PLAAT5: variants seen among roughly 807,000 people sequenced by gnomAD.
PLAAT5 encodes Ca(2+)-independent N-acyltransferase.
PLAAT5 carries 27 observed loss-of-function variants against 27.8 expected under a neutral mutation model. The ratio of observed to expected loss-of-function variants is 0.97; its 90% confidence interval spans 0.72 to 1.34. The LOEUF is 1.34. Ranked by LOEUF, PLAAT5 falls within the 40% of genes most tolerant of loss-of-function variation. PLAAT5 has a pLI of 0.00. For missense variants in PLAAT5, 368 were observed against 343.8 expected (o/e 1.07, Z -0.56); for synonymous variants, 125 against 136.1 (o/e 0.92, Z 0.57).
chr11:63,464,618 C>T (rs1244721612), intron 5 of PLAAT5, among the ~76,000 whole-genome samples: 6 of 151,632 alleles, frequency 4.0e-5, no homozygotes, highest in Non-Finnish European at 5.9e-5. Flanking sequence ...ATCACGCCAT[C>T]GCACTCCAGT....
intron 4 of PLAAT5, among the ~76,000 whole-genome samples, chr11:63,467,078 C>T (rs2015885775): frequency 6.6e-6 from 1 of 152,230 alleles, no homozygotes; most frequent in Non-Finnish European, 1.5e-5. Flanking sequence ...TAAAGTAGCA[C>T]TGCTACAACC....
intron 3 of PLAAT5, among the ~76,000 whole-genome samples, chr11:63,483,751 G>A (rs113254219): frequency 0.011 from 1,296 of 116,452 alleles, 23 homozygotes; most frequent in African/African-American, 0.038. Context: ...ACCAAGATCA[G>A]AGCAGAAGTA....
chr11:63,475,678 TTGTTCCTC>T (rs2016136034), intron 3 of PLAAT5, among the ~76,000 whole-genome samples: 1 of 152,052 alleles, frequency 6.6e-6, no homozygotes, highest in African/African-American at 2.4e-5. Context: ...CACGTCTTTT[TTGTTCCTC>T]TGTTCCTCTT....
chr11:63,475,010 G>C (rs1353559299), intron 3 of PLAAT5, among the ~76,000 whole-genome samples: 2 of 152,054 alleles, frequency 1.3e-5, no homozygotes, highest in Admixed American at 6.5e-5. Context: ...CATGTGATCA[G>C]ATAAAATATT....
rs553199686 is a variant in PLAAT5 at position 63,488,754 on chromosome 11, G to A, written c.345+117C>T. The A allele has an allele frequency of 1.2e-3, 656 of 568,646 alleles. 3 individuals carry two copies. The highest frequency in any genetic ancestry group is 1.9e-3 in the South Asian group (72 of 37,096). The allele number at this position is 568,646 out of a possible 1,614,324, so 35.2% of individuals were successfully genotyped here. ...GTGGCCCAAGACGTTTCTTCTTCCA[G>A]TGTGGCCCAGGGAAGCCTAAAGATT... is the stretch of plus-strand genomic sequence containing the variant. On this transcript the variant is annotated intron_variant, in intron 3 of 5. Transcript: ENST00000540857.
At chr11:63,469,145 T>TGAGAGA (rs1555025561) in intron 3 of PLAAT5, among the ~76,000 whole-genome samples, 2,714 of 122,674 alleles carry the variant, frequency 0.022, 121 homozygotes, top group African/African-American at 0.076. Context: ...TGTGTGTGTG[T>TGAGAGA]GAGAGAGAGA....
At chr11:63,488,038 G>A (rs191978178) in intron 3 of PLAAT5, among the ~76,000 whole-genome samples, 64 of 152,312 alleles carry the variant, frequency 4.2e-4, no homozygotes, top group Admixed American at 3.6e-3. Context: ...CCAGCTACTC[G>A]GGAGGCTGAG....
At chr11:63,463,624 T>A in intron 5 of PLAAT5, 29 bp from the exon 6 acceptor site, 1 of 1,582,124 alleles carries the variant, frequency 6.3e-7, no homozygotes. Context: ...CACAGGACAA[T>A]CAGTACCAAT....
At chr11:63,480,402 G>C (rs976571295) in intron 3 of PLAAT5, among the ~76,000 whole-genome samples, 1 of 152,236 alleles carries the variant, frequency 6.6e-6, no homozygotes, top group Admixed American at 6.5e-5. Flanking sequence ...GAGAAGGAAA[G>C]AGGAGGGAAT....
At chr11:63,483,801 GTATATATATATATATATA>G (rs71039646) in intron 3 of PLAAT5, among the ~76,000 whole-genome samples, 405 of 24,144 alleles carry the variant, frequency 0.017, 7 homozygotes, top group African/African-American at 0.021. Context: ...ATATATATAT[GTATATATATATATATATA>G]TATATATATA....
intron 3 of PLAAT5, among the ~76,000 whole-genome samples, chr11:63,486,645 T>G (rs2016441288): frequency 6.6e-6 from 1 of 152,008 alleles, no homozygotes; most frequent in Non-Finnish European, 1.5e-5. Flanking sequence ...GTAATCAACT[T>G]TAGGGACTCA....
At chr11:63,483,775 C>G (rs1176675139) in intron 3 of PLAAT5, among the ~76,000 whole-genome samples, 6 of 27,760 alleles carry the variant, frequency 2.2e-4, no homozygotes, top group Non-Finnish European at 3.1e-4. Flanking sequence ...GAAATTGAAG[C>G]AAAAAAAAAA....
intron 3 of PLAAT5, 31 bp downstream of exon 3, chr11:63,488,840 T>G: frequency 6.9e-7 from 1 of 1,459,712 alleles, no homozygotes; most frequent in Non-Finnish European, 9.6e-7. Flanking sequence ...AGGTTAAAGA[T>G]AGTCACTTTG....
intron 5 of PLAAT5, 75 bp from the exon 6 acceptor site, chr11:63,463,670 A>G: frequency 8.9e-7 from 1 of 1,127,636 alleles, no homozygotes; most frequent in South Asian, 1.2e-5. Flanking sequence ...CCACCCCACC[A>G]TACCCATTCA....
At chr11:63,471,925 C>G (rs1186895946) in intron 3 of PLAAT5, among the ~76,000 whole-genome samples, 1 of 152,122 alleles carries the variant, frequency 6.6e-6, no homozygotes, top group Non-Finnish European at 1.5e-5. Flanking sequence ...TTATCCTAAG[C>G]AAACTAACAC....
At chr11:63,479,506 T>C (rs1008422609) in intron 3 of PLAAT5, among the ~76,000 whole-genome samples, 1 of 152,256 alleles carries the variant, frequency 6.6e-6, no homozygotes, top group African/African-American at 2.4e-5. Flanking sequence ...AAATTGCCTT[T>C]AATTTATAAT....
intron 3 of PLAAT5, among the ~76,000 whole-genome samples, chr11:63,482,237 C>T (rs1270262558): frequency 6.6e-6 from 1 of 152,066 alleles, no homozygotes; most frequent in African/African-American, 2.4e-5. Context: ...TACCACAGAT[C>T]TAGACATCAA....
chr11:63,489,044 A>G (rs1238805004), intron 2 of PLAAT5, 68 bp from the exon 3 acceptor site: 12 of 1,142,058 alleles, frequency 1.1e-5, no homozygotes, highest in African/African-American at 1.6e-5. Flanking sequence ...AATCTGTATT[A>G]CAGATTTGTG....
Position 63,463,506 on chromosome 11 carries a change from G to A in PLAAT5, c.807C>T (p.Ala269=). The part of the protein sequence containing the change: ...VDSIKPKPIT[A] ...CTAGCTGGAGTTTTCATCACCTTCA[G>A]GCAGTTATTGGTTTGGGCTTTATGC... is the stretch of plus-strand genomic sequence containing the variant. The change falls in exon 6 of 6, where the codon GCC becomes GCT. Residue 269 remains alanine (A), a synonymous_variant. Transcript: ENST00000540857. 1 of 1,611,568 alleles carries A rather than the reference G, an allele frequency of 6.2e-7. No individual in the cohort carries two copies. Among genetic ancestry groups the A allele is most frequent in the Non-Finnish European group, 8.5e-7 (1 of 1,178,162 alleles).
Sources: allele counts gnomAD v4.1 joint callset (sites outside exome capture counted in the v4.1 genomes callset), GRCh38; gene constraint gnomAD v4.1.1; transcripts MANE v1.5; gene names NCBI Gene and HGNC (gene_info 2026-07-23, HGNC 2026-07-21).